THAP12: variants seen among roughly 807,000 people sequenced by gnomAD.
THAP12 encodes 52 kDa repressor of the inhibitor of the protein kinase.
A neutral mutation model predicts 63.0 loss-of-function variants in THAP12; 20 were observed. The observed-to-expected ratio is 0.32, with a 90% CI of 0.22 to 0.46. The LOEUF (loss-of-function observed/expected upper bound fraction) is 0.46, where lower values mean the gene tolerates loss of function less well. Among genes scored for constraint, THAP12 ranks in the 20% least tolerant of loss-of-function variants. The pLI, the probability that THAP12 is intolerant of heterozygous loss-of-function variation, is 1.00. For missense variants in THAP12, 568 were observed against 908.2 expected, an observed-to-expected ratio of 0.63 and a Z score of 4.81; for synonymous variants, 264 against 328.4, an observed-to-expected ratio of 0.80 and a Z score of 2.12.
chr11:76,370,851 T>C (rs1449177140), intron 1 of THAP12, among the ~76,000 whole-genome samples: 2 of 148,328 alleles, frequency 1.3e-5, no homozygotes, highest in Admixed American at 1.3e-4. Flanking sequence ...AAAATATATA[T>C]ATATATGACC....
rs1946518632 is a variant in THAP12 at position 76,350,550 on chromosome 11, CCAA to C, written c.*311_*313del. ...TATTTCTTCAAAGAATTCATAACAC[CCAA>C]CAAGTAGAGATCCACAGTGATAATA... On this transcript the variant is annotated 3_prime_UTR_variant, in exon 5 of 5. Transcript: ENST00000260045. The C allele has an allele frequency of 5.2e-6, 1 of 191,486 alleles. No individual in the cohort carries two copies. The highest frequency in any genetic ancestry group is 1.9e-4 in the South Asian group (1 of 5,270). 11.9% of individuals were successfully genotyped at this position (191,486 alleles called of 1,614,324 possible). A position where few individuals can be genotyped will look rare whatever the true frequency, so the allele number is the denominator to read the frequency against.
chr11:76,380,685 G>T, intron 1 of THAP12, 63 bp downstream of exon 1: 1 of 1,241,016 alleles, frequency 8.1e-7, no homozygotes, highest in Non-Finnish European at 1.0e-6. Context: ...GCCAGGGGCC[G>T]GCGGCTGGCA....
rs1031676577 is a variant in THAP12 at position 76,350,744 on chromosome 11, G to A, written c.*120C>T. The A allele has an allele frequency of 1.1e-5, 10 of 892,132 alleles. No individual in the cohort carries two copies. The highest frequency in any genetic ancestry group is 1.6e-5 in the Non-Finnish European group (10 of 639,320). The allele number at this position is 892,132 out of a possible 1,614,324, so 55.3% of individuals were successfully genotyped here. ...CCATTTAAACAGGTAGATTATCAAT[G>A]GCTAATGTATTCAATGGAGTCCTAT... On this transcript the variant is annotated 3_prime_UTR_variant, in exon 5 of 5. Transcript: ENST00000260045.
intron 3 of THAP12, 130 bp downstream of exon 3, chr11:76,360,826 A>T: frequency 1.5e-6 from 1 of 669,602 alleles, no homozygotes; most frequent in Middle Eastern, 4.2e-4. Context: ...TAACAACCAT[A>T]ACATTTATTT....
chr11:76,380,443 A>ATCTCG (rs1946746297), intron 1 of THAP12, among the ~76,000 whole-genome samples: 1 of 152,220 alleles, frequency 6.6e-6, no homozygotes, highest in Non-Finnish European at 1.5e-5. Flanking sequence ...TCACACAGCA[A>ATCTCG]GTGAGCCACG....
intron 1 of THAP12, among the ~76,000 whole-genome samples, chr11:76,367,312 G>A (rs1036896653): frequency 2.0e-5 from 3 of 152,202 alleles, no homozygotes; most frequent in South Asian, 4.1e-4. Flanking sequence ...CCGACCTCAG[G>A]TGATCTGCCC....
At chr11:76,367,306 CCT>C in intron 1 of THAP12, among the ~76,000 whole-genome samples, 1 of 152,194 alleles carries the variant, frequency 6.6e-6, no homozygotes, top group Non-Finnish European at 1.5e-5. Context: ...GAACTCCCGA[CCT>C]CAGGTGATCT....
Position 76,367,150 on chromosome 11 carries a change from C to T in THAP12, c.90-1178G>A, listed in dbSNP as rs1003197993. On this transcript the variant is annotated intron_variant, in intron 1 of 4. Transcript: ENST00000260045. Reference sequence around the variant, plus strand: ...GGAGTGCAATGCCATGATCTTGGCTCACTGCAACCTCTGCTTCCCGGGTTC... The same window carrying T: ...GGAGTGCAATGCCATGATCTTGGCTTACTGCAACCTCTGCTTCCCGGGTTC... Among the ~76,000 whole-genome samples the T allele has an allele frequency of 4.6e-5, 7 of 151,794 alleles. No individual in the cohort carries two copies. In the East Asian group the frequency reaches 1.2e-3, roughly 25 times the overall value.
chr11:76,351,465 C>A lies in THAP12; in HGVS notation c.1685G>T (p.Gly562Val), dbSNP rs1183550020. ...AGAGGTTAGCTGAGATTCCAAGTTA[C>A]CCTGGTGAGCTCTGCGGAATTTCCC... Reference protein sequence around the residue: ...LPGKFRRAHQGNLESQLTSES... With the variant: ...LPGKFRRAHQVNLESQLTSES... Residue 562 changes from glycine (G) to valine (V), a missense_variant, in exon 5 of 5, where the codon GGT becomes GTT. By Grantham distance (109) the Gly-to-Val change is moderately radical. Coordinates refer to ENST00000260045, the MANE Select transcript of THAP12 (RefSeq NM_004705.4). 6 of 1,592,282 alleles carry A rather than the reference C, an allele frequency of 3.8e-6. No individual in the cohort carries two copies. Among genetic ancestry groups the A allele is most frequent in the Non-Finnish European group, 5.1e-6 (6 of 1,165,144 alleles).
chr11:76,374,908 G>A (rs919279064), intron 1 of THAP12, among the ~76,000 whole-genome samples: 10 of 152,084 alleles, frequency 6.6e-5, no homozygotes, highest in African/African-American at 1.2e-4. Context: ...TGCCCCTTCC[G>A]CCATGTGAGA....
chr11:76,372,093 G>A (rs1158051130), intron 1 of THAP12, among the ~76,000 whole-genome samples: 1 of 152,180 alleles, frequency 6.6e-6, no homozygotes. Context: ...TTACAGGCGT[G>A]AGCCATCGTG....
intron 1 of THAP12, among the ~76,000 whole-genome samples, chr11:76,370,146 T>TC (rs1250295193): frequency 6.6e-6 from 1 of 151,898 alleles, no homozygotes; most frequent in Non-Finnish European, 1.5e-5. Flanking sequence ...TTCTCCCTCT[T>TC]CCCCCCAAAA....
chr11:76,350,615 C>T lies in THAP12; in HGVS notation c.*249G>A, dbSNP rs1565230045. ...TAAAATGACTTAACTGAAACAATTC[C>T]AGAGTGCCATCAACAGAGATCACGC... On this transcript the variant is annotated 3_prime_UTR_variant, in exon 5 of 5. Coordinates refer to ENST00000260045, the MANE Select transcript of THAP12 (RefSeq NM_004705.4). The T allele has an allele frequency of 1.5e-5, 5 of 322,804 alleles. No homozygotes were observed. Among genetic ancestry groups the T allele is most frequent in the Non-Finnish European group, 2.8e-5 (5 of 181,486 alleles). The allele number at this position is 322,804 out of a possible 1,614,324, so 20.0% of individuals were successfully genotyped here.
intron 1 of THAP12, among the ~76,000 whole-genome samples, chr11:76,369,068 A>G (rs1412068045): frequency 1.3e-5 from 2 of 152,210 alleles, no homozygotes; most frequent in Non-Finnish European, 2.9e-5. Context: ...CAACATAAAA[A>G]TAGGCAAGGG....
At position 76,352,097 on chromosome 11, in the gene THAP12, A is replaced by G. The variant is rs761114505; in HGVS notation, c.1053T>C (p.Tyr351=). 28 of 1,611,498 alleles carry G rather than the reference A, an allele frequency of 1.7e-5. No individual in the cohort carries two copies. In the East Asian group the frequency reaches 5.8e-4, roughly 33 times the overall value. ...AGCAGAGTGTGTAGATAGCTTGGGG[A>G]TATTTCTCTAAAAGTCTAGAAGCAA... The part of the protein sequence containing the change: ...KVVASRLLEK[Y]PQAIYTLCSS... Residue 351 remains tyrosine, a synonymous_variant, in exon 5 of 5, where the codon TAT becomes TAC. Coordinates refer to ENST00000260045, the MANE Select transcript of THAP12 (RefSeq NM_004705.4).
chr11:76,370,617 C>A (rs561789717), intron 1 of THAP12, among the ~76,000 whole-genome samples: 42 of 152,126 alleles, frequency 2.8e-4, no homozygotes, highest in Admixed American at 3.3e-4. Flanking sequence ...CCTGCCTCGG[C>A]CTCCCAAGGT....
chr11:76,366,094 T>G, intron 1 of THAP12, 122 bp from the exon 2 acceptor site: 2 of 1,136,544 alleles, frequency 1.8e-6, no homozygotes. Flanking sequence ...GAGAACATAA[T>G]TTGGAGAATT....
chr11:76,357,961 T>C lies in THAP12; in HGVS notation c.319-2307A>G, dbSNP rs78541050. On this transcript the variant is annotated intron_variant, in intron 3 of 4. Transcript: ENST00000260045. ...CCTAATCAAAGAAAAACCAATAAAA[T>C]AGTTCATAAGTACAACAATCACTGA... is the stretch of plus-strand genomic sequence containing the variant. The C allele has an allele frequency of 1.4e-3, 207 of 152,174 alleles. 1 individual carries two copies. Among genetic ancestry groups the C allele is most frequent in the African/African-American group, 4.9e-3 (205 of 41,546 alleles). The allele number at this position is 152,174 out of a possible 1,614,324, so 9.4% of individuals were successfully genotyped here. A position where few individuals can be genotyped will look rare whatever the true frequency, so the allele number is the denominator to read the frequency against.
At chr11:76,353,737 G>A (rs1206283973) in intron 4 of THAP12, among the ~76,000 whole-genome samples, 1 of 152,258 alleles carries the variant, frequency 6.6e-6, no homozygotes, top group East Asian at 1.9e-4. Context: ...GGCCGGGGGT[G>A]CAGTGGCTTA....
Sources: gnomAD v4.1 joint callset for allele counts (sites outside exome capture counted in the v4.1 genomes callset) on GRCh38, gnomAD v4.1.1 for gene constraint, MANE v1.5 for transcripts, NCBI Gene and HGNC (gene_info 2026-07-23, HGNC 2026-07-21) for gene names.